The following PTGDR variants were observed in gnomAD, a reference collection of about 807,000 sequenced individuals.
PTGDR encodes the protein prostaglandin D2 receptor.
PTGDR carries 19 observed loss-of-function variants against 17.4 expected under a neutral mutation model. That is an observed-to-expected ratio of 1.09 (90% CI 0.76 to 1.60). PTGDR has a LOEUF of 1.60. Ranked by LOEUF, PTGDR falls within the 40% of genes most tolerant of loss-of-function variation. The probability of loss-of-function intolerance (pLI) is 0.00; values close to 1 mark genes in which losing one functional copy is unlikely to be tolerated. For missense variants in PTGDR, 526 were observed against 481.9 expected, an observed-to-expected ratio of 1.09 and a Z score of -0.86; for synonymous variants, 267 against 224.2, an observed-to-expected ratio of 1.19 and a Z score of -1.71.
At chr14:52,280,118 G>A (rs930266194), downstream of PTGDR, among the ~76,000 whole-genome samples, 4 of 152,126 alleles carry the variant, frequency 2.6e-5, no homozygotes, top group Non-Finnish European at 4.4e-5. Context: ...CCAAATCAGC[G>A]ATAATTGATG....
downstream of PTGDR, among the ~76,000 whole-genome samples, chr14:52,278,326 A>T (rs1374611570): frequency 6.6e-6 from 1 of 152,194 alleles, no homozygotes; most frequent in African/African-American, 2.4e-5. Flanking sequence ...AGGGACATGG[A>T]TGAAACTGGA....
chr14:52,278,384 A>G (rs914963774), downstream of PTGDR, among the ~76,000 whole-genome samples: 6 of 152,066 alleles, frequency 3.9e-5, no homozygotes, highest in Non-Finnish European at 2.9e-5. Context: ...TCCAAACACC[A>G]CATGTTCTCA....
chr14:52,271,936 T>C (rs2033329532), intron 1 of PTGDR, among the ~76,000 whole-genome samples: 1 of 152,216 alleles, frequency 6.6e-6, no homozygotes, highest in African/African-American at 2.4e-5. Flanking sequence ...ATAAGCTATA[T>C]GGTTAAGTTG....
intron 1 of PTGDR, chr14:52,269,342 G>A (rs544212507): frequency 7.2e-5 from 63 of 876,944 alleles, no homozygotes; most frequent in Non-Finnish European, 1.0e-4. Context: ...CTGACTTGAC[G>A]GGTTTTGAGT....
rs143143539 is a variant in PTGDR, at chr14:52,274,813, G to A, written c.929G>A (p.Arg310Gln). The part of the protein sequence containing the change: ...SEEAEDLRAL[R>Q]FLSVISIVDP... Reference sequence around the variant, plus strand: ...GAAGCAGAAGACCTCCGAGCCTTGCGATTTCTATCTGTGATTTCAATTGTG... The same window carrying A: ...GAAGCAGAAGACCTCCGAGCCTTGCAATTTCTATCTGTGATTTCAATTGTG... The change falls in exon 2 of 2, where the codon CGA (arginine) becomes CAA (glutamine). Residue 310 changes from arginine (R) to glutamine (Q), a missense_variant. Physicochemically the swap from Arg to Gln is conservative, Grantham distance 43. Coordinates refer to ENST00000306051, the MANE Select transcript of PTGDR (RefSeq NM_000953.3). The A allele has an allele frequency of 3.7e-5, 60 of 1,613,196 alleles. No individual in the cohort carries two copies. The Admixed American group carries it at 7.8e-4, about 21-fold the overall frequency.
At position 52,268,011 on chromosome 14, in the gene PTGDR, G is replaced by A; in HGVS notation, c.197G>A (p.Cys66Tyr). 1 of 1,610,420 alleles carries A rather than the reference G, an allele frequency of 6.2e-7. No individual in the cohort carries two copies. The change falls in exon 1 of 2, where the codon TGT becomes TAT. Residue 66 changes from cysteine (C) to tyrosine (Y), a missense_variant. Cys to Tyr is a radical substitution (Grantham distance 194). Transcript: ENST00000306051. Reference protein sequence around the residue: ...PLPSVFYMLVCGLTVTDLLGK... With the variant: ...PLPSVFYMLVYGLTVTDLLGK... ...CCCTCGGTCTTCTACATGCTGGTGT[G>A]TGGCCTGACGGTCACCGACTTGCTG...
chr14:52,279,569 A>G (rs1277094882), downstream of PTGDR, among the ~76,000 whole-genome samples: 1 of 152,180 alleles, frequency 6.6e-6, no homozygotes, highest in Non-Finnish European at 1.5e-5. Flanking sequence ...AGCTGAGCAC[A>G]TAGGATGGGT....
chr14:52,268,197 T>G lies in PTGDR; in HGVS notation c.383T>G (p.Leu128Arg), dbSNP rs549413550. 2 of 1,614,030 alleles carry G rather than the reference T, an allele frequency of 1.2e-6. No homozygotes were observed. Among genetic ancestry groups the G allele is most frequent in the Non-Finnish European group, 1.7e-6 (2 of 1,180,040 alleles). The change falls in exon 1 of 2, where the codon CTG becomes CGG. Residue 128 changes from leucine to arginine, a missense_variant. Coordinates refer to ENST00000306051, the MANE Select transcript of PTGDR (RefSeq NM_000953.3). ...ACACTGCAACTCCTGGCCATGGCAC[T>G]GGAGTGCTGGCTCTCCCTAGGGCAC... Reference protein sequence around the residue: ...SSTLQLLAMALECWLSLGHPF... With the variant: ...SSTLQLLAMARECWLSLGHPF...
In PTGDR at chr14:52,274,713, T is replaced by C. The variant is rs772542564; in HGVS notation, c.847-18T>C. ...TTAACCTTTCCACATCATAATGGAA[T>C]GTTTTTCTTCAAAACAGTATCGCGC... On this transcript the variant is annotated intron_variant, in intron 1 of 1. Transcript: ENST00000306051. The C allele has an allele frequency of 1.3e-6, 2 of 1,562,334 alleles. No homozygotes were observed. The highest frequency in any genetic ancestry group is 1.8e-6 in the Non-Finnish European group (2 of 1,133,552).
At chr14:52,271,519 CA>C (rs971100826) in intron 1 of PTGDR, among the ~76,000 whole-genome samples, 1 of 152,016 alleles carries the variant, frequency 6.6e-6, no homozygotes, top group Non-Finnish European at 1.5e-5. Context: ...TCCATATGTA[CA>C]AGGAAAATGT....
rs551163980 is a variant in PTGDR, at chr14:52,269,567, T to A, written c.846+907T>A. On this transcript the variant is annotated intron_variant, in intron 1 of 1. Coordinates refer to ENST00000306051, the MANE Select transcript of PTGDR (RefSeq NM_000953.3). ...GTACCTGTTCAACAAAAACAATACT[T>A]ACAGAAATTCCATTGCCAATCCCAC... The A allele has an allele frequency of 1.3e-5, 19 of 1,484,326 alleles. No individual in the cohort carries two copies. In the African/African-American group the frequency reaches 1.9e-4, roughly 15 times the overall value. 91.9% of individuals were successfully genotyped at this position (1,484,326 alleles called of 1,614,324 possible).
chr14:52,268,017 T>G lies in PTGDR; in HGVS notation c.203T>G (p.Leu68Arg). The G allele has an allele frequency of 6.2e-7, 1 of 1,610,660 alleles. No individual in the cohort carries two copies. The highest frequency in any genetic ancestry group is 8.5e-7 in the Non-Finnish European group (1 of 1,180,020). ...PSVFYMLVCG[L>R]TVTDLLGKCL... is the part of the protein sequence containing the mutation. ...GTCTTCTACATGCTGGTGTGTGGCC[T>G]GACGGTCACCGACTTGCTGGGCAAG... The change falls in exon 1 of 2, where the codon CTG (leucine) becomes CGG (arginine). Residue 68 changes from leucine (L) to arginine (R), a missense_variant. Leu to Arg is a moderately radical substitution (Grantham distance 102). Transcript: ENST00000306051.
Position 52,268,180 on chromosome 14 carries a change from A to G in PTGDR, c.366A>G (p.Gln122=). ...MSFFGLSSTL[Q]LLAMALECWL... ...TCTTTGGGCTCTCCTCGACACTGCAACTCCTGGCCATGGCACTGGAGTGCT... is the reference window on the plus strand; with the variant it reads ...TCTTTGGGCTCTCCTCGACACTGCAGCTCCTGGCCATGGCACTGGAGTGCT... Residue 122 remains glutamine, a synonymous_variant, in exon 1 of 2, where the codon CAA becomes CAG. Transcript: ENST00000306051. 6.2e-7 allele frequency: 1 copy of G among 1,613,290 alleles called. No individual in the cohort carries two copies. Among genetic ancestry groups the G allele is most frequent in the Non-Finnish European group, 8.5e-7 (1 of 1,179,774 alleles).
intron 1 of PTGDR, 81 bp downstream of exon 1, chr14:52,268,741 G>C: frequency 7.0e-7 from 1 of 1,421,208 alleles, no homozygotes; most frequent in South Asian, 1.4e-5. Flanking sequence ...GAGCGGATCG[G>C]GATGGACGCG....
intron 1 of PTGDR, among the ~76,000 whole-genome samples, chr14:52,269,760 C>T (rs1339891196): frequency 2.6e-5 from 4 of 152,158 alleles, no homozygotes; most frequent in African/African-American, 9.7e-5. Flanking sequence ...GGGGCATCAG[C>T]ATGCAGGGGT....
In PTGDR at chr14:52,267,803, C is replaced by T. The variant is rs766714075; in HGVS notation, c.-12C>T. The T allele has an allele frequency of 6.5e-7, 1 of 1,545,344 alleles. No homozygotes were observed. The highest frequency in any genetic ancestry group is 2.3e-5 in the East Asian group (1 of 44,246). Reference sequence around the variant, plus strand: ...CCGCAGCCTTCACTCCAGCCCTCTGCTCCCGCACGCCATGAAGTCGCCGTT... The same window carrying T: ...CCGCAGCCTTCACTCCAGCCCTCTGTTCCCGCACGCCATGAAGTCGCCGTT... On this transcript the variant is annotated 5_prime_UTR_variant, in exon 1 of 2. Coordinates refer to ENST00000306051, the MANE Select transcript of PTGDR (RefSeq NM_000953.3).
chr14:52,277,400 A>G (rs573190477), downstream of PTGDR, among the ~76,000 whole-genome samples: 4 of 152,342 alleles, frequency 2.6e-5, no homozygotes, highest in South Asian at 6.2e-4. Context: ...GAGAAAATAC[A>G]TATGGTTAAT....
chr14:52,280,587 A>G (rs1274202627), downstream of PTGDR, among the ~76,000 whole-genome samples: 2 of 152,234 alleles, frequency 1.3e-5, no homozygotes, highest in Non-Finnish European at 2.9e-5. Context: ...TGGCAATGTG[A>G]ATGGATAGCT....
Position 52,268,530 on chromosome 14 carries a change from G to A in PTGDR, c.716G>A (p.Cys239Tyr). 1 of 1,612,370 alleles carries A rather than the reference G, an allele frequency of 6.2e-7. No individual in the cohort carries two copies. The change falls in exon 1 of 2, where the codon TGC becomes TAC. Residue 239 changes from cysteine (C) to tyrosine (Y), a missense_variant. Physicochemically the swap from Cys to Tyr is radical, Grantham distance 194. Transcript: ENST00000306051. The part of the protein sequence containing the change: ...HRRLQRHPRS[C>Y]TRDCAEPRAD... ...CGGCTGCAGCGGCACCCGCGCTCCTGCACCAGGGACTGTGCCGAGCCGCGC... is the reference window on the plus strand; with the variant it reads ...CGGCTGCAGCGGCACCCGCGCTCCTACACCAGGGACTGTGCCGAGCCGCGC...
Sources: gnomAD v4.1 joint callset for allele counts (sites outside exome capture counted in the v4.1 genomes callset) on GRCh38, gnomAD v4.1.1 for gene constraint, MANE v1.5 for transcripts, NCBI Gene and HGNC (gene_info 2026-07-23, HGNC 2026-07-21) for gene names.